Variants in AP5M1 observed in about 807,000 individuals in gnomAD.
AP5M1 encodes the protein AP-5 complex subunit mu-1.
AP5M1 carries 44 observed loss-of-function variants against 52.3 expected under a neutral mutation model. That is an observed-to-expected ratio of 0.84 (90% confidence interval 0.66 to 1.08). The LOEUF is 1.08. Among genes scored for constraint, AP5M1 ranks in the 50% least tolerant of loss-of-function variants. The probability of loss-of-function intolerance (pLI) is 0.00; values close to 1 mark genes in which losing one functional copy is unlikely to be tolerated. For synonymous variants in AP5M1, 213 were observed against 199.0 expected, an observed-to-expected ratio of 1.07 and a Z score of -0.59; for missense variants, 526 against 568.4, an observed-to-expected ratio of 0.93 and a Z score of 0.76.
rs747223845 is a variant in AP5M1, at chr14:57,297,862, A to T, written c.*8978A>T. On this transcript the variant is annotated 3_prime_UTR_variant, in exon 8 of 8. Transcript: ENST00000261558. ...GATGTTTGAGTAATTAGGGTTTTGC[A>T]TGTGTATATAGAAAGGCTATTTTGC... 19 of 152,152 alleles carry T rather than the reference A, an allele frequency of 1.2e-4. No individual in the cohort carries two copies. The highest frequency in any genetic ancestry group is 3.9e-4 in the Admixed American group (6 of 15,262). The allele number at this position is 152,152 out of a possible 1,614,324, so 9.4% of individuals were successfully genotyped here.
At chr14:57,281,980 C>A (rs1885189353) in intron 3 of AP5M1, 109 bp from the exon 4 acceptor site, 3 of 930,046 alleles carry the variant, frequency 3.2e-6, no homozygotes, top group Admixed American at 3.7e-5. Flanking sequence ...GTTACCAAAA[C>A]AACTTGGAAT....
chr14:57,284,249 AAAG>A (rs772282106), intron 6 of AP5M1, among the ~76,000 whole-genome samples: 5 of 152,248 alleles, frequency 3.3e-5, no homozygotes, highest in African/African-American at 4.8e-5. Context: ...TTAAAAGAGT[AAAG>A]AAGAATAAAC....
rs1566524834 is a variant in AP5M1, at chr14:57,298,418, C to CTGGG, written c.*9538_*9541dup. ...AAATCCCAGCTCTGTCATTTACAAA[C>CTGGG]TGGGTGGTCCTGGATAAATTACTTA... On this transcript the variant is annotated 3_prime_UTR_variant, in exon 8 of 8. Transcript: ENST00000261558. 1 of 152,172 alleles carries CTGGG rather than the reference C, an allele frequency of 6.6e-6. No homozygotes were observed. The highest frequency in any genetic ancestry group is 1.5e-5 in the Non-Finnish European group (1 of 68,034). 9.4% of individuals were successfully genotyped at this position (152,172 alleles called of 1,614,324 possible).
chr14:57,273,058 G>A (rs999796794), intron 1 of AP5M1, among the ~76,000 whole-genome samples: 1 of 151,840 alleles, frequency 6.6e-6, no homozygotes, highest in African/African-American at 2.4e-5. Context: ...TCCTGCCTCA[G>A]CCTCCCGAGT....
rs554852807 is a variant in AP5M1 at position 57,291,290 on chromosome 14, G to T, written c.*2406G>T. ...TCAGACCTTCTCTAGATGCAAAATT[G>T]CTAAATTCCCTTTTAGTGCCAAAAT... On this transcript the variant is annotated 3_prime_UTR_variant, in exon 8 of 8. Transcript: ENST00000261558. 1 of 151,812 alleles carries T rather than the reference G, an allele frequency of 6.6e-6. No individual in the cohort carries two copies. The highest frequency in any genetic ancestry group is 2.1e-4 in the South Asian group (1 of 4,830). The allele number at this position is 151,812 out of a possible 1,614,324, so 9.4% of individuals were successfully genotyped here.
At chr14:57,273,697 A>G in intron 1 of AP5M1, 1 of 702,026 alleles carries the variant, frequency 1.4e-6, no homozygotes, top group Non-Finnish European at 2.6e-6. Context: ...ATGATCTTCC[A>G]TGTTTTTGTA....
Position 57,298,266 on chromosome 14 carries a change from A to G in AP5M1, c.*9382A>G, listed in dbSNP as rs1226091256. 1 of 152,184 alleles carries G rather than the reference A, an allele frequency of 6.6e-6. No individual in the cohort carries two copies. Among genetic ancestry groups the G allele is most frequent in the Non-Finnish European group, 1.5e-5 (1 of 68,044 alleles). The allele number at this position is 152,184 out of a possible 1,614,324, so 9.4% of individuals were successfully genotyped here. On this transcript the variant is annotated 3_prime_UTR_variant, in exon 8 of 8. Coordinates refer to ENST00000261558, the MANE Select transcript of AP5M1 (RefSeq NM_018229.4). Reference sequence around the variant, plus strand: ...CCACAGCTTTCAGCGGTCCCCGTATACTAATGAAATGGAGTCGCCAGTATC... The same window carrying G: ...CCACAGCTTTCAGCGGTCCCCGTATGCTAATGAAATGGAGTCGCCAGTATC...
Position 57,269,190 on chromosome 14 carries a change from A to G in AP5M1, c.-125A>G. 1.1e-6 allele frequency: 1 copy of G among 888,822 alleles called. No homozygotes were observed. The highest frequency in any genetic ancestry group is 2.4e-5 in the East Asian group (1 of 41,082). The allele number at this position is 888,822 out of a possible 1,614,324, so 55.1% of individuals were successfully genotyped here. On this transcript the variant is annotated 5_prime_UTR_variant, in exon 1 of 8. Coordinates refer to ENST00000261558, the MANE Select transcript of AP5M1 (RefSeq NM_018229.4). The stretch of plus-strand genomic sequence containing the variant: ...AAAGCTAACCTCTCTGCTGAGCGCG[A>G]CCGGTATGCGGCGCAGGATGAGCCT...
intron 6 of AP5M1, among the ~76,000 whole-genome samples, chr14:57,285,911 C>T (rs991467469): frequency 6.6e-6 from 1 of 152,110 alleles, no homozygotes; most frequent in Admixed American, 6.6e-5. Flanking sequence ...TTGCTTCCAT[C>T]TTTGCACGTC....
chr14:57,269,667 G>A (rs1440157111), intron 1 of AP5M1, among the ~76,000 whole-genome samples: 1 of 152,178 alleles, frequency 6.6e-6, no homozygotes, highest in Admixed American at 6.5e-5. Context: ...GAATTAAAAT[G>A]GAGATGACTA....
rs1205940119 is a variant in AP5M1, at chr14:57,291,743, C to G, written c.*2859C>G. The G allele has an allele frequency of 6.6e-6, 1 of 151,772 alleles. No individual in the cohort carries two copies. Among genetic ancestry groups the G allele is most frequent in the Non-Finnish European group, 1.5e-5 (1 of 67,848 alleles). 9.4% of individuals were successfully genotyped at this position (151,772 alleles called of 1,614,324 possible). A position where few individuals can be genotyped will look rare whatever the true frequency, so the allele number is the denominator to read the frequency against. On this transcript the variant is annotated 3_prime_UTR_variant, in exon 8 of 8. Transcript: ENST00000261558. ...ATACATTGTATGATTTAAGATCTTT[C>G]AAGGCAGACATTTATACTTGGTAAC...
In AP5M1 at chr14:57,274,482, A is replaced by C. The variant is rs755332047; in HGVS notation, c.313A>C (p.Ile105Leu). 1 of 1,614,060 alleles carries C rather than the reference A, an allele frequency of 6.2e-7. No individual in the cohort carries two copies. The highest frequency in any genetic ancestry group is 8.5e-7 in the Non-Finnish European group (1 of 1,180,036). Residue 105 changes from isoleucine (I) to leucine (L), a missense_variant, in exon 2 of 8, where the codon ATA (isoleucine) becomes CTA (leucine). Coordinates refer to ENST00000261558, the MANE Select transcript of AP5M1 (RefSeq NM_018229.4). ...TGTTGCTTTTCTGAAGAATGACATGATATATGCTTGTGTTCCACTAGTTGA... is the reference window on the plus strand; with the variant it reads ...TGTTGCTTTTCTGAAGAATGACATGCTATATGCTTGTGTTCCACTAGTTGA... ...PVVAFLKNDM[I>L]YACVPLVEQT...
At position 57,282,166 on chromosome 14, in the gene AP5M1, A is replaced by T; in HGVS notation, c.1026A>T (p.Lys342Asn). 1 of 1,580,448 alleles carries T rather than the reference A, an allele frequency of 6.3e-7. No individual in the cohort carries two copies. The highest frequency in any genetic ancestry group is 1.2e-5 in the South Asian group (1 of 83,222). ...EVQLRITINL[K>N]LHESVKNNFE... ...AACTAAGAATAACCATTAATTTAAAACTTCATGAAAGTGTGAAAAATAATT... is the reference window on the plus strand; with the variant it reads ...AACTAAGAATAACCATTAATTTAAATCTTCATGAAAGTGTGAAAAATAATT... Residue 342 changes from lysine to asparagine, a missense_variant, in exon 4 of 8, where the codon AAA (lysine) becomes AAT (asparagine). This residue lies in a region of AP5M1 where 425 missense variants were observed against 430.6 expected (regional missense o/e 0.99). Coordinates refer to ENST00000261558, the MANE Select transcript of AP5M1 (RefSeq NM_018229.4).
At position 57,272,452 on chromosome 14, in the gene AP5M1, C is replaced by T. The variant is rs80054799; in HGVS notation, c.75-1792C>T. On this transcript the variant is annotated intron_variant, in intron 1 of 7. Coordinates refer to ENST00000261558, the MANE Select transcript of AP5M1 (RefSeq NM_018229.4). ...TTTGCTTTCCAGATAATAATAGCAT[C>T]AGCTTACATCTGGCTTAGGTCGGTA... Among the ~76,000 whole-genome samples, 46 of 152,282 alleles carry T rather than the reference C, an allele frequency of 3.0e-4. 2 individuals carry two copies. The East Asian group carries it at 7.1e-3, about 24-fold the overall frequency.
intron 4 of AP5M1, among the ~76,000 whole-genome samples, chr14:57,282,514 T>C (rs1453351113): frequency 6.6e-6 from 1 of 152,198 alleles, no homozygotes; most frequent in Non-Finnish European, 1.5e-5. Context: ...TTTTTCCATA[T>C]ACAAGTCAAA....
chr14:57,282,040 T>A (rs747899601), intron 3 of AP5M1, 49 bp from the exon 4 acceptor site: 1 of 1,469,970 alleles, frequency 6.8e-7, no homozygotes, highest in Admixed American at 2.7e-5. Flanking sequence ...TTTTGTTGTT[T>A]TAGACTCATT....
intron 4 of AP5M1, 68 bp downstream of exon 4, chr14:57,282,296 A>G: frequency 8.1e-7 from 1 of 1,240,812 alleles, no homozygotes; most frequent in South Asian, 1.9e-5. Context: ...CCCACAGTAA[A>G]TTGTCTTTGT....
rs745609673 is a variant in AP5M1 at position 57,282,010 on chromosome 14, G to T, written c.949-79G>T. ...TGGAATAATCTCCAAGTCATTAAAA[G>T]TAACTCTTTTCTCAGTTACTTTTGT... On this transcript the variant is annotated intron_variant, in intron 3 of 7. Coordinates refer to ENST00000261558, the MANE Select transcript of AP5M1 (RefSeq NM_018229.4). 1.8e-5 allele frequency: 23 copies of T among 1,255,390 alleles called. No homozygotes were observed. The Admixed American group carries it at 2.1e-4, about 12-fold the overall frequency. The allele number at this position is 1,255,390 out of a possible 1,614,324, so 77.8% of individuals were successfully genotyped here.
At chr14:57,288,244 A>G (rs1288987456) in intron 7 of AP5M1, among the ~76,000 whole-genome samples, 2 of 151,798 alleles carry the variant, frequency 1.3e-5, no homozygotes, top group Non-Finnish European at 2.9e-5. Flanking sequence ...TATTATCTCA[A>G]CTTTACATAT....
Sources: gnomAD v4.1 joint callset for allele counts (sites outside exome capture counted in the v4.1 genomes callset) on GRCh38, gnomAD v4.1.1 for gene constraint, gnomAD v4.1.1 regional missense constraint, MANE v1.5 for transcripts, NCBI Gene and HGNC (gene_info 2026-07-23, HGNC 2026-07-21) for gene names.